Variants in SUSD4 observed in about 807,000 individuals in gnomAD.
SUSD4 encodes the protein sushi domain-containing protein 4.
SUSD4 carries 41 observed loss-of-function variants against 50.5 expected under a neutral mutation model. The ratio of observed to expected loss-of-function variants is 0.81; its 90% confidence interval spans 0.63 to 1.05. SUSD4 has a LOEUF of 1.05. SUSD4 is among the 50% of genes least tolerant of loss of function. The probability of loss-of-function intolerance (pLI) is 0.00; values close to 1 mark genes in which losing one functional copy is unlikely to be tolerated. For synonymous variants in SUSD4, 257 were observed against 257.3 expected, an observed-to-expected ratio of 1.00 and a Z score of 0.01; for missense variants, 580 against 634.7, an observed-to-expected ratio of 0.91 and a Z score of 0.93.
chr1:223,262,727 G>A (rs1028921507), intron 5 of SUSD4, among the ~76,000 whole-genome samples: 2 of 152,102 alleles, frequency 1.3e-5, no homozygotes, highest in African/African-American at 4.8e-5. Flanking sequence ...CATTGAAAGT[G>A]CTCACCAACA....
intron 2 of SUSD4, among the ~76,000 whole-genome samples, chr1:223,319,482 A>G (rs1666443515): frequency 6.6e-6 from 1 of 152,196 alleles, no homozygotes; most frequent in South Asian, 2.1e-4. Context: ...TTCTTAATAC[A>G]AGATGAACGA....
At chr1:223,300,934 G>T (rs763735863) in intron 2 of SUSD4, among the ~76,000 whole-genome samples, 174 of 152,120 alleles carry the variant, frequency 1.1e-3, no homozygotes, top group Non-Finnish European at 4.3e-4. Context: ...TCTTTTAAAA[G>T]AATCATAAAA....
chr1:223,276,174 A>G (rs1249261204), intron 3 of SUSD4, among the ~76,000 whole-genome samples: 2 of 152,172 alleles, frequency 1.3e-5, no homozygotes, highest in Admixed American at 6.5e-5. Context: ...CTTGTGAAAA[A>G]CTGCTTTCTG....
chr1:223,253,852 C>T (rs1383548907), intron 5 of SUSD4, among the ~76,000 whole-genome samples: 1 of 152,166 alleles, frequency 6.6e-6, no homozygotes, highest in Non-Finnish European at 1.5e-5. Flanking sequence ...TAATGAGGTC[C>T]CACTCGTGGC....
intron 3 of SUSD4, among the ~76,000 whole-genome samples, chr1:223,271,235 T>C (rs1415725389): frequency 6.6e-6 from 1 of 152,208 alleles, no homozygotes; most frequent in Non-Finnish European, 1.5e-5. Context: ...AGTCAATGGA[T>C]AGAAGCGTCC....
chr1:223,297,922 G>A (rs28561511), intron 2 of SUSD4, among the ~76,000 whole-genome samples: 42,530 of 151,862 alleles, frequency 0.28, 7,393 homozygotes, highest in Non-Finnish European at 0.4. Context: ...GGATGGACAG[G>A]TGGATGAATG....
At chr1:223,240,473 G>A (rs1241307882) in intron 5 of SUSD4, among the ~76,000 whole-genome samples, 2 of 151,662 alleles carry the variant, frequency 1.3e-5, no homozygotes, top group Admixed American at 1.3e-4. Context: ...GGATATTCTG[G>A]GTTTTTTTTT....
Position 223,223,337 on chromosome 1 carries a change from G to A in SUSD4, c.1356C>T (p.Ser452=), listed in dbSNP as rs1243716174. ...CAGGGTTGTCCGAAGCAGGGTGGGTGCTCTCTTGGCACCTGGGAGGTGAAT... is the reference window on the plus strand; with the variant it reads ...CAGGGTTGTCCGAAGCAGGGTGGGTACTCTCTTGGCACCTGGGAGGTGAAT... ...SLYSPPRCQE[S]THPASDNPDI... is the part of the protein sequence containing the mutation. The change falls in exon 8 of 9, where the codon AGC becomes AGT. Residue 452 remains serine, a synonymous_variant. Coordinates refer to ENST00000366878, the MANE Select transcript of SUSD4 (RefSeq NM_017982.4). 1.2e-6 allele frequency: 2 copies of A among 1,611,188 alleles called. No homozygotes were observed. The highest frequency in any genetic ancestry group is 1.7e-6 in the Non-Finnish European group (2 of 1,178,780).
In SUSD4 at chr1:223,223,743, G is replaced by A. The variant is rs1163370610; in HGVS notation, c.1062-112C>T. On this transcript the variant is annotated intron_variant, in intron 7 of 8. Transcript: ENST00000366878. ...CTCAGGACCCACGATGGGCAGCAGA[G>A]TCCCGTATGGAGGATAATATGGAAG... 12 of 1,283,458 alleles carry A rather than the reference G, an allele frequency of 9.3e-6. No individual in the cohort carries two copies. In the East Asian group the frequency reaches 3.1e-4, roughly 33 times the overall value. The allele number at this position is 1,283,458 out of a possible 1,614,324, so 79.5% of individuals were successfully genotyped here. A position where few individuals can be genotyped will look rare whatever the true frequency, so the allele number is the denominator to read the frequency against.
chr1:223,244,042 C>T lies in SUSD4; in HGVS notation c.725-14654G>A, dbSNP rs368381079. On this transcript the variant is annotated intron_variant, in intron 5 of 8. Coordinates refer to ENST00000366878, the MANE Select transcript of SUSD4 (RefSeq NM_017982.4). ...CATCCTCAGATGATAAATAAGTAAA[C>T]GCATAGATATTTATGTGGCTGGATA... Among the ~76,000 whole-genome samples, 6 of 152,298 alleles carry T rather than the reference C, an allele frequency of 3.9e-5. No homozygotes were observed. In the East Asian group the frequency reaches 5.8e-4, roughly 15 times the overall value.
rs1661335082 is a variant in SUSD4 at position 223,251,866 on chromosome 1, C to G, written c.724+12764G>C. ...ATGGTTGAACTAGTTTACAGTCCCACCAACAGTGTAAAAGTGTTCCTATTT... is the reference window on the plus strand; with the variant it reads ...ATGGTTGAACTAGTTTACAGTCCCAGCAACAGTGTAAAAGTGTTCCTATTT... On this transcript the variant is annotated intron_variant, in intron 5 of 8. Coordinates refer to ENST00000366878, the MANE Select transcript of SUSD4 (RefSeq NM_017982.4). Among the ~76,000 whole-genome samples the G allele has an allele frequency of 2.6e-5, 4 of 152,222 alleles. 1 individual carries two copies. In the South Asian group the frequency reaches 6.2e-4, roughly 24 times the overall value.
At chr1:223,237,789 T>C (rs939770913) in intron 5 of SUSD4, among the ~76,000 whole-genome samples, 1 of 152,028 alleles carries the variant, frequency 6.6e-6, no homozygotes, top group Admixed American at 6.5e-5. Flanking sequence ...TCATGAAAGA[T>C]ATTGATCTGC....
At chr1:223,319,490 C>G (rs561918132) in intron 2 of SUSD4, among the ~76,000 whole-genome samples, 25 of 152,148 alleles carry the variant, frequency 1.6e-4, no homozygotes, top group Non-Finnish European at 3.5e-4. Context: ...ACAAGATGAA[C>G]GAGTCCAGCA....
rs1156428765 is a variant in SUSD4 at position 223,292,000 on chromosome 1, TCACATCTAA to T, written c.361+430_361+438del. On this transcript the variant is annotated intron_variant, in intron 3 of 8. Transcript: ENST00000366878. ...ACAGTTCTTTCTTTTCCTAAATGCATCACATCTAACACAGAACTGATAAGTAGTAATTGA... is the reference window on the plus strand; with the variant it reads ...ACAGTTCTTTCTTTTCCTAAATGCATCACAGAACTGATAAGTAGTAATTGA... 8.5e-5 allele frequency among the ~76,000 whole-genome samples: 13 copies of T among 152,332 alleles called. No individual in the cohort carries two copies. In the East Asian group the frequency reaches 2.1e-3, roughly 25 times the overall value.
At chr1:223,239,549 C>T (rs1225131558) in intron 5 of SUSD4, among the ~76,000 whole-genome samples, 2 of 151,910 alleles carry the variant, frequency 1.3e-5, no homozygotes, top group Non-Finnish European at 2.9e-5. Context: ...TAGTGGTTGC[C>T]TTAGAGTTTG....
intron 2 of SUSD4, among the ~76,000 whole-genome samples, chr1:223,316,939 G>C (rs773526820): frequency 6.6e-6 from 1 of 152,164 alleles, no homozygotes; most frequent in Non-Finnish European, 1.5e-5. Flanking sequence ...TGGAGATGAC[G>C]ATGAGTCTGG....
At chr1:223,314,639 G>A (rs140716683) in intron 2 of SUSD4, among the ~76,000 whole-genome samples, 365 of 152,136 alleles carry the variant, frequency 2.4e-3, no homozygotes, top group Middle Eastern at 6.8e-3. Flanking sequence ...GGTCTTTCCC[G>A]TGCTATTCTC....
chr1:223,333,214 G>A (rs182681966), intron 2 of SUSD4, among the ~76,000 whole-genome samples: 152 of 152,270 alleles, frequency 1.0e-3, no homozygotes, highest in African/African-American at 3.5e-3. Context: ...GCCAGGAGCA[G>A]GGGGTGCAGC....
At chr1:223,308,704 C>T (rs1665697174) in intron 2 of SUSD4, among the ~76,000 whole-genome samples, 1 of 152,162 alleles carries the variant, frequency 6.6e-6, no homozygotes, top group South Asian at 2.1e-4. Context: ...ATGTAAACAA[C>T]TGTGCCAGCT....
Sources: allele counts gnomAD v4.1 joint callset (sites outside exome capture counted in the v4.1 genomes callset), GRCh38; gene constraint gnomAD v4.1.1; transcripts MANE v1.5; gene names NCBI Gene and HGNC (gene_info 2026-07-23, HGNC 2026-07-21).